COL19A1: variants seen among roughly 807,000 people sequenced by gnomAD.
The protein encoded by COL19A1 is collagen alpha-1(XIX) chain.
Under a neutral mutation model 190.2 loss-of-function variants are expected in COL19A1, and 159 were observed. The observed-to-expected ratio is 0.84, with a 90% CI of 0.73 to 0.95. COL19A1 has a LOEUF of 0.95. Among genes scored for constraint, COL19A1 ranks in the 40% least tolerant of loss-of-function variants. The probability of loss-of-function intolerance (pLI) is 0.00; values close to 1 mark genes in which losing one functional copy is unlikely to be tolerated. For missense variants in COL19A1, 1,418 were observed against 1,431.9 expected, an observed-to-expected ratio of 0.99 and a Z score of 0.16; for synonymous variants, 509 against 458.9, an observed-to-expected ratio of 1.11 and a Z score of -1.39.
At chr6:70,064,698 A>T (rs950007763) in intron 14 of COL19A1, among the ~76,000 whole-genome samples, 5 of 152,220 alleles carry the variant, frequency 3.3e-5, no homozygotes, top group African/African-American at 9.6e-5. Context: ...ACATGATTGT[A>T]TATCTAGAAA....
intron 9 of COL19A1, among the ~76,000 whole-genome samples, chr6:69,944,231 C>T (rs1436156789): frequency 1.3e-5 from 2 of 152,128 alleles, no homozygotes; most frequent in Admixed American, 6.6e-5. Context: ...CACCTCTATC[C>T]TCTTACTTTG....
At chr6:70,163,092 AG>A (rs1787906849) in intron 35 of COL19A1, among the ~76,000 whole-genome samples, 1 of 152,132 alleles carries the variant, frequency 6.6e-6, no homozygotes, top group Admixed American at 6.5e-5. Flanking sequence ...GTGTATCAAA[AG>A]GTTCCAATTA....
chr6:70,068,401 A>G (rs761981063), intron 14 of COL19A1, 22 bp from the exon 15 acceptor site: 9 of 1,485,234 alleles, frequency 6.1e-6, no homozygotes, highest in East Asian at 2.2e-5. Context: ...GTGTATTAAC[A>G]TGTGTCTCTT....
intron 4 of COL19A1, among the ~76,000 whole-genome samples, chr6:69,924,571 A>C (rs1772227747): frequency 6.6e-6 from 1 of 152,236 alleles, no homozygotes; most frequent in African/African-American, 2.4e-5. Flanking sequence ...ATATGTGTGC[A>C]TGTGACTTTA....
chr6:70,161,125 A>G (rs1171881039), intron 34 of COL19A1, among the ~76,000 whole-genome samples: 1 of 152,128 alleles, frequency 6.6e-6, no homozygotes, highest in Non-Finnish European at 1.5e-5. Context: ...GGGAGGGGAA[A>G]TCTATTCATT....
In COL19A1 at chr6:70,207,684, G is replaced by T; in HGVS notation, c.*410G>T. ...AAAGTTTCAGACTTATCTTTTCCTT[G>T]GTGTTTAAATTTACTATCATTGCTA... On this transcript the variant is annotated 3_prime_UTR_variant, in exon 51 of 51. Coordinates refer to ENST00000620364, the MANE Select transcript of COL19A1 (RefSeq NM_001858.6). 6.6e-6 allele frequency: 1 copy of T among 152,596 alleles called. No individual in the cohort carries two copies. The highest frequency in any genetic ancestry group is 2.1e-4 in the South Asian group (1 of 4,850). 9.5% of individuals were successfully genotyped at this position (152,596 alleles called of 1,614,324 possible). A position where few individuals can be genotyped will look rare whatever the true frequency, so the allele number is the denominator to read the frequency against.
chr6:70,051,569 A>T (rs1780202185), intron 14 of COL19A1, among the ~76,000 whole-genome samples: 1 of 152,164 alleles, frequency 6.6e-6, no homozygotes, highest in Non-Finnish European at 1.5e-5. Flanking sequence ...CCTTTGCCAA[A>T]AGGGAGACTT....
intron 17 of COL19A1, among the ~76,000 whole-genome samples, chr6:70,129,463 A>G (rs907745918): frequency 1.1e-4 from 16 of 152,248 alleles, no homozygotes; most frequent in Non-Finnish European, 2.1e-4. Flanking sequence ...GAGGATTTAT[A>G]GAGGAAACAG....
intron 1 of COL19A1, among the ~76,000 whole-genome samples, chr6:69,872,053 G>C (rs1767872493): frequency 1.3e-5 from 2 of 152,168 alleles, no homozygotes; most frequent in African/African-American, 4.8e-5. Flanking sequence ...CTGACATCAG[G>C]CAATCTGCCT....
chr6:70,164,551 A>T (rs925940424), intron 36 of COL19A1, among the ~76,000 whole-genome samples: 1 of 152,150 alleles, frequency 6.6e-6, no homozygotes, highest in Non-Finnish European at 1.5e-5. Context: ...AGCTTGCCCA[A>T]CCCCACTAGC....
intron 27 of COL19A1, among the ~76,000 whole-genome samples, chr6:70,148,741 A>G (rs1786836275): frequency 6.6e-6 from 1 of 152,162 alleles, no homozygotes; most frequent in African/African-American, 2.4e-5. Flanking sequence ...AGTCTGGCCA[A>G]CACAGTGAAA....
intron 11 of COL19A1, among the ~76,000 whole-genome samples, chr6:69,987,381 C>G (rs1388130049): frequency 6.6e-6 from 1 of 152,142 alleles, no homozygotes; most frequent in East Asian, 1.9e-4. Flanking sequence ...CCTCTTGACT[C>G]AGTGAAAATT....
chr6:70,146,982 C>A, intron 27 of COL19A1, 93 bp downstream of exon 27: 2 of 1,123,476 alleles, frequency 1.8e-6, no homozygotes, highest in South Asian at 1.8e-5. Flanking sequence ...ATAGAAAGGT[C>A]AGAGACGGAA....
At chr6:70,144,361 A>C in intron 24 of COL19A1, 98 bp downstream of exon 24, 2 of 1,004,908 alleles carry the variant, frequency 2.0e-6, no homozygotes, top group Non-Finnish European at 3.0e-6. Flanking sequence ...GGCTTCTGGG[A>C]TTGTACAGAT....
intron 42 of COL19A1, among the ~76,000 whole-genome samples, chr6:70,177,306 C>T (rs530342312): frequency 2.0e-5 from 3 of 152,056 alleles, no homozygotes; most frequent in Admixed American, 6.6e-5. Context: ...AAACCATGGG[C>T]TTGTATCACA....
In COL19A1 at chr6:70,056,803, G is replaced by A. The variant is rs143566501; in HGVS notation, c.1171-11620G>A. Among the ~76,000 whole-genome samples the A allele has an allele frequency of 4.3e-4, 65 of 152,132 alleles. No homozygotes were observed. In the East Asian group the frequency reaches 0.012, roughly 29 times the overall value. The stretch of plus-strand genomic sequence containing the variant: ...TAAAAAAAAATTATTACAGCATGGA[G>A]CATTTTTCTCCTCTTAAACGTTTGA... On this transcript the variant is annotated intron_variant, in intron 14 of 50. Transcript: ENST00000620364.
chr6:69,884,716 T>G (rs1768795582), intron 2 of COL19A1, among the ~76,000 whole-genome samples: 1 of 152,178 alleles, frequency 6.6e-6, no homozygotes, highest in South Asian at 2.1e-4. Context: ...TGGATGACTA[T>G]GTTCTTAGGT....
At chr6:69,921,472 A>ATATATCCATATATATTCATG (rs1771886169) in intron 4 of COL19A1, among the ~76,000 whole-genome samples, 1 of 6,668 alleles carries the variant, frequency 1.5e-4, no homozygotes, top group African/African-American at 1.7e-3. Context: ...ATATATATTC[A>ATATATCCATATATATTCATG]TATATTCATA....
intron 34 of COL19A1, 69 bp downstream of exon 34, chr6:70,156,792 ATG>A: frequency 7.7e-7 from 1 of 1,299,388 alleles, no homozygotes; most frequent in Non-Finnish European, 1.1e-6. Flanking sequence ...CAGAGTAAAA[ATG>A]TTAATTTTTC....
Sources: allele counts gnomAD v4.1 joint callset (sites outside exome capture counted in the v4.1 genomes callset), GRCh38; gene constraint gnomAD v4.1.1; transcripts MANE v1.5; gene names NCBI Gene and HGNC (gene_info 2026-07-23, HGNC 2026-07-21).